DAB1: variants seen among roughly 807,000 people sequenced by gnomAD.
DAB1 encodes disabled homolog 1.
A neutral mutation model predicts 64.6 loss-of-function variants in DAB1; 15 were observed. The observed-to-expected ratio is 0.23, with a 90% CI of 0.16 to 0.36. The LOEUF is 0.36. Ranked by LOEUF, DAB1 falls within the 10% of genes least tolerant of loss-of-function variation. The pLI is 1.00. For missense variants in DAB1, 596 were observed against 706.7 expected, an observed-to-expected ratio of 0.84 and a Z score of 1.78; for synonymous variants, 235 against 251.9, an observed-to-expected ratio of 0.93 and a Z score of 0.64.
chr1:57,942,432 A>C (rs987523776), intron 5 of DAB1, among the ~76,000 whole-genome samples: 1 of 152,216 alleles, frequency 6.6e-6, no homozygotes, highest in African/African-American at 2.4e-5. Context: ...GGTAGGATTA[A>C]AGCTGATTTC....
chr1:57,058,646 T>C (rs902469084), intron 9 of DAB1, among the ~76,000 whole-genome samples: 3 of 152,208 alleles, frequency 2.0e-5, no homozygotes, highest in Non-Finnish European at 4.4e-5. Flanking sequence ...CACTGAGTGA[T>C]CACTGTTATT....
At chr1:58,090,094 T>C (rs1650559801) in intron 5 of DAB1, among the ~76,000 whole-genome samples, 1 of 152,164 alleles carries the variant, frequency 6.6e-6, no homozygotes, top group African/African-American at 2.4e-5. Flanking sequence ...TATTTCTCTT[T>C]GATCTTGTAC....
At chr1:57,095,626 A>G (rs1216693006) in intron 4 of DAB1, among the ~76,000 whole-genome samples, 1 of 152,180 alleles carries the variant, frequency 6.6e-6, no homozygotes, top group African/African-American at 2.4e-5. Flanking sequence ...CACTCAACAT[A>G]TTTTATTACA....
chr1:57,652,813 A>G (rs57424793), intron 6 of DAB1, among the ~76,000 whole-genome samples: 2,357 of 152,264 alleles, frequency 0.015, 59 homozygotes, highest in African/African-American at 0.054. Flanking sequence ...GATGCTCACT[A>G]TTAAACACTT....
chr1:57,983,647 G>A (rs929637866), intron 5 of DAB1, among the ~76,000 whole-genome samples: 13 of 152,158 alleles, frequency 8.5e-5, no homozygotes, highest in Admixed American at 8.5e-4. Context: ...CCCCAGCGCC[G>A]CTATTCCTGC....
intron 3 of DAB1, among the ~76,000 whole-genome samples, chr1:58,504,776 A>G (rs1400527088): frequency 6.6e-6 from 1 of 152,064 alleles, no homozygotes; most frequent in East Asian, 1.9e-4. Flanking sequence ...TACCGTTTTT[A>G]TTTTTCTTAT....
chr1:57,473,975 A>T (rs1643902127), intron 7 of DAB1, among the ~76,000 whole-genome samples: 1 of 152,232 alleles, frequency 6.6e-6, no homozygotes, highest in South Asian at 2.1e-4. Flanking sequence ...TTTACGATCA[A>T]TATAAAACAA....
intron 4 of DAB1, among the ~76,000 whole-genome samples, chr1:58,263,404 T>C (rs1204762169): frequency 6.6e-6 from 1 of 152,236 alleles, no homozygotes; most frequent in African/African-American, 2.4e-5. Context: ...GTGATCCTTT[T>C]CAACCAACTA....
chr1:58,028,535 C>CA (rs900031021), intron 5 of DAB1, among the ~76,000 whole-genome samples: 1 of 151,948 alleles, frequency 6.6e-6, no homozygotes, highest in Non-Finnish European at 1.5e-5. Flanking sequence ...ACAAAAATCA[C>CA]AAAAAAATGC....
intron 1 of DAB1, among the ~76,000 whole-genome samples, chr1:57,359,359 A>G (rs577410484): frequency 6.6e-6 from 1 of 152,106 alleles, no homozygotes; most frequent in Non-Finnish European, 1.5e-5. Flanking sequence ...ATCACTAATC[A>G]TCAGTGAAAT....
At chr1:57,742,035 G>C (rs1346418703) in intron 6 of DAB1, among the ~76,000 whole-genome samples, 1 of 152,154 alleles carries the variant, frequency 6.6e-6, no homozygotes, top group Non-Finnish European at 1.5e-5. Flanking sequence ...GGAGCAGGTT[G>C]AAAGTGGGAA....
chr1:57,778,357 G>A (rs1226955006), intron 6 of DAB1, among the ~76,000 whole-genome samples: 1 of 151,448 alleles, frequency 6.6e-6, no homozygotes, highest in Non-Finnish European at 1.5e-5. Flanking sequence ...TCTTCAGTTT[G>A]CCATCCCTGC....
At chr1:58,484,491 G>A (rs1186700336) in intron 3 of DAB1, among the ~76,000 whole-genome samples, 1 of 152,126 alleles carries the variant, frequency 6.6e-6, no homozygotes, top group Non-Finnish European at 1.5e-5. Context: ...AACATTTCAT[G>A]ACTTTTATAT....
intron 3 of DAB1, among the ~76,000 whole-genome samples, chr1:58,372,788 G>C (rs968306866): frequency 6.6e-6 from 1 of 152,122 alleles, no homozygotes; most frequent in African/African-American, 2.4e-5. Flanking sequence ...AGTTTCCCTT[G>C]TCTTCTCTTT....
intron 4 of DAB1, among the ~76,000 whole-genome samples, chr1:57,090,779 C>T (rs1328862464): frequency 2.6e-5 from 4 of 152,094 alleles, no homozygotes; most frequent in South Asian, 2.1e-4. Context: ...CCCCAACCCC[C>T]GGACCATGGC....
intron 7 of DAB1, among the ~76,000 whole-genome samples, chr1:57,639,765 T>C (rs927914893): frequency 2.6e-5 from 4 of 152,090 alleles, no homozygotes; most frequent in Non-Finnish European, 5.9e-5. Context: ...TCTAATGTAC[T>C]GGAGAGGGAA....
At chr1:57,057,830 G>C (rs1024889935) in intron 9 of DAB1, among the ~76,000 whole-genome samples, 2 of 151,910 alleles carry the variant, frequency 1.3e-5, no homozygotes, top group East Asian at 3.9e-4. Flanking sequence ...GGATGGTCTC[G>C]ATCTCCTGAC....
At chr1:57,248,750 G>A (rs1460372303) in intron 2 of DAB1, among the ~76,000 whole-genome samples, 1 of 152,146 alleles carries the variant, frequency 6.6e-6, no homozygotes, top group Non-Finnish European at 1.5e-5. Context: ...GCCCACAATT[G>A]TGCTAGTTGT....
chr1:57,161,556 G>A (rs1305230978), intron 2 of DAB1, among the ~76,000 whole-genome samples: 1 of 152,160 alleles, frequency 6.6e-6, no homozygotes, highest in African/African-American at 2.4e-5. Context: ...ACCAGGCACT[G>A]ACAAAGTCGT....
Sources: gnomAD v4.1 joint callset for allele counts (sites outside exome capture counted in the v4.1 genomes callset) on GRCh38, gnomAD v4.1.1 for gene constraint, MANE v1.5 for transcripts, NCBI Gene and HGNC (gene_info 2026-07-23, HGNC 2026-07-21) for gene names.